The following BAIAP2L1 variants were observed in gnomAD, a reference collection of about 807,000 sequenced individuals.
The protein encoded by BAIAP2L1 is BAR/IMD domain-containing adapter protein 2-like 1.
BAIAP2L1 carries 35 observed loss-of-function variants against 66.3 expected under a neutral mutation model. The observed-to-expected ratio is 0.53, with a 90% CI of 0.40 to 0.70. The LOEUF is 0.70. BAIAP2L1 is among the 30% of genes least tolerant of loss of function. The pLI, the probability that BAIAP2L1 is intolerant of heterozygous loss-of-function variation, is 0.00. For missense variants in BAIAP2L1, 622 were observed against 656.9 expected (o/e 0.95, Z 0.58); for synonymous variants, 269 against 248.7 (o/e 1.08, Z -0.77).
At chr7:98,364,436 T>TCAGTGTGGCTTGACCGTGA (rs1263749613) in intron 1 of BAIAP2L1, among the ~76,000 whole-genome samples, 1 of 152,160 alleles carries the variant, frequency 6.6e-6, no homozygotes, top group Non-Finnish European at 1.5e-5. Context: ...ACCATCTTGC[T>TCAGTGTGGCTTGACCGTGA]CAGTGTGGCT....
chr7:98,375,961 C>T (rs180714372), intron 1 of BAIAP2L1, among the ~76,000 whole-genome samples: 9 of 152,186 alleles, frequency 5.9e-5, no homozygotes, highest in African/African-American at 1.9e-4. Context: ...TTCACACACA[C>T]GTATATATTT....
intron 3 of BAIAP2L1, among the ~76,000 whole-genome samples, chr7:98,348,110 C>T (rs180805131): frequency 4.0e-5 from 6 of 151,732 alleles, no homozygotes; most frequent in Non-Finnish European, 5.9e-5. Context: ...ACGTTCTTCA[C>T]ATGTATCCCA....
rs748121075 is a variant in BAIAP2L1, at chr7:98,317,290, C to G, written c.415G>C (p.Glu139Gln). 1.9e-6 allele frequency: 3 copies of G among 1,614,222 alleles called. No homozygotes were observed. The Admixed American group carries it at 5.0e-5, about 27-fold the overall frequency. Residue 139 changes from glutamate to glutamine, a missense_variant, in exon 6 of 14, where the codon GAG (glutamate) becomes CAG (glutamine). Glu to Gln is a conservative substitution (Grantham distance 29). Transcript: ENST00000005260. ...CTTTTCCTTCTGATCTTCTTCAACTCAGCTTGGGATTTCTCCAAAGACTCT... is the reference window on the plus strand; with the variant it reads ...CTTTTCCTTCTGATCTTCTTCAACTGAGCTTGGGATTTCTCCAAAGACTCT... ...KLESLEKSQA[E>Q]LKKIRRKSQG...
intron 1 of BAIAP2L1, among the ~76,000 whole-genome samples, chr7:98,369,595 G>T (rs1363391807): frequency 6.6e-6 from 1 of 151,212 alleles, no homozygotes; most frequent in Non-Finnish European, 1.5e-5. Flanking sequence ...AAGCAGCCCA[G>T]ATCTGTTCTT....
At chr7:98,388,151 T>C (rs890270847) in intron 1 of BAIAP2L1, among the ~76,000 whole-genome samples, 3 of 152,172 alleles carry the variant, frequency 2.0e-5, no homozygotes, top group Non-Finnish European at 4.4e-5. Flanking sequence ...ATGCGCCAGA[T>C]GCTATTCTAA....
chr7:98,298,486 G>A (rs1262467977), intron 12 of BAIAP2L1, among the ~76,000 whole-genome samples: 3 of 151,874 alleles, frequency 2.0e-5, no homozygotes, highest in Non-Finnish European at 2.9e-5. Flanking sequence ...AGTGGCGGGC[G>A]CCTGTAGTCC....
At position 98,292,725 on chromosome 7, in the gene BAIAP2L1, T is replaced by G. The variant is rs1178440141; in HGVS notation, c.*796A>C. ...GGAGAAACCAGGACCCCGAGCAGTT[T>G]GAGTGTACTGGTAATGGATGCAGCT... On this transcript the variant is annotated 3_prime_UTR_variant, in exon 14 of 14. Transcript: ENST00000005260. 2.5e-5 allele frequency: 39 copies of G among 1,551,486 alleles called. No homozygotes were observed. The highest frequency in any genetic ancestry group is 3.4e-5 in the Non-Finnish European group (39 of 1,146,926).
intron 1 of BAIAP2L1, among the ~76,000 whole-genome samples, chr7:98,382,304 AGAAGGTAACTT>A (rs1802777765): frequency 6.6e-6 from 1 of 152,136 alleles, no homozygotes; most frequent in Admixed American, 6.6e-5. Flanking sequence ...AGCCCATCTG[AGAAGGTAACTT>A]GAAGGAAAAA....
intron 8 of BAIAP2L1, among the ~76,000 whole-genome samples, chr7:98,311,159 G>A (rs1800853898): frequency 6.6e-6 from 1 of 152,152 alleles, no homozygotes; most frequent in Non-Finnish European, 1.5e-5. Context: ...CTTACGTTGT[G>A]ATGAATGCCA....
intron 12 of BAIAP2L1, among the ~76,000 whole-genome samples, chr7:98,298,217 T>C (rs528863210): frequency 6.6e-6 from 1 of 152,274 alleles, no homozygotes; most frequent in Admixed American, 6.5e-5. Flanking sequence ...GCTTCCCAGG[T>C]GAGTGGGATG....
At chr7:98,379,790 C>G (rs752729061) in intron 1 of BAIAP2L1, among the ~76,000 whole-genome samples, 11 of 152,132 alleles carry the variant, frequency 7.2e-5, no homozygotes, top group Non-Finnish European at 1.5e-5. Context: ...AAACCCATTA[C>G]GCTAAGAAGC....
chr7:98,328,714 C>A (rs750666749), intron 3 of BAIAP2L1, among the ~76,000 whole-genome samples: 2 of 151,786 alleles, frequency 1.3e-5, no homozygotes, highest in Non-Finnish European at 2.9e-5. Flanking sequence ...ATGATACACA[C>A]CAACAAAAAT....
At chr7:98,319,075 G>A (rs1414593071) in intron 5 of BAIAP2L1, among the ~76,000 whole-genome samples, 6 of 152,122 alleles carry the variant, frequency 3.9e-5, no homozygotes, top group East Asian at 3.9e-4. Context: ...GCCTCCTGCC[G>A]GGAGGGTGCA....
intron 2 of BAIAP2L1, among the ~76,000 whole-genome samples, chr7:98,361,631 T>C (rs1802272703): frequency 6.6e-6 from 1 of 152,178 alleles, no homozygotes; most frequent in Non-Finnish European, 1.5e-5. Flanking sequence ...GACAGGCCAA[T>C]AGCAATACTC....
chr7:98,367,305 AACT>A (rs749497735), intron 1 of BAIAP2L1, among the ~76,000 whole-genome samples: 98 of 152,130 alleles, frequency 6.4e-4, no homozygotes, highest in Admixed American at 9.8e-4. Flanking sequence ...CTATTAACTC[AACT>A]ACAGACCTTA....
At chr7:98,314,070 C>T (rs1020578393) in intron 7 of BAIAP2L1, among the ~76,000 whole-genome samples, 1 of 147,196 alleles carries the variant, frequency 6.8e-6, no homozygotes. Flanking sequence ...ACTGCAACCT[C>T]AGCCTCCTGG....
intron 1 of BAIAP2L1, among the ~76,000 whole-genome samples, chr7:98,384,157 A>G (rs75133787): frequency 1.8e-5 from 1 of 56,442 alleles, no homozygotes; most frequent in Non-Finnish European, 6.1e-5. Flanking sequence ...TCCGTCTCAG[A>G]AAAAAAAAAA....
chr7:98,306,632 T>C (rs2116854043), intron 10 of BAIAP2L1, 116 bp from the exon 11 acceptor site: 3 of 1,445,336 alleles, frequency 2.1e-6, no homozygotes, highest in Non-Finnish European at 2.8e-6. Flanking sequence ...GAAACGCCCA[T>C]GTGTGGAGGA....
Position 98,304,298 on chromosome 7 carries a change from C to T in BAIAP2L1, c.1320G>A (p.Leu440=), listed in dbSNP as rs769964999. The T allele has an allele frequency of 1.2e-6, 2 of 1,613,638 alleles. No homozygotes were observed. Among genetic ancestry groups the T allele is most frequent in the Non-Finnish European group, 1.7e-6 (2 of 1,179,780 alleles). ...CAGCTGCCCCCATGGACAAGCATTC[C>T]AAGTAGTCGGGTGGGGGGATGACAA... The part of the protein sequence containing the change: ...SSVVIPPPDY[L]ECLSMGAAAD... The change falls in exon 12 of 14, where the codon TTG becomes TTA. Residue 440 remains leucine (L), a synonymous_variant. Coordinates refer to ENST00000005260, the MANE Select transcript of BAIAP2L1 (RefSeq NM_018842.5).
Sources: gnomAD v4.1 joint callset for allele counts (sites outside exome capture counted in the v4.1 genomes callset) on GRCh38, gnomAD v4.1.1 for gene constraint, MANE v1.5 for transcripts, NCBI Gene and HGNC (gene_info 2026-07-23, HGNC 2026-07-21) for gene names.